SPHKAP: variants seen among roughly 807,000 people sequenced by gnomAD.
SPHKAP encodes SPHK1 interactor, AKAP domain containing.
A neutral mutation model predicts 137.5 loss-of-function variants in SPHKAP; 67 were observed. The observed-to-expected ratio is 0.49, with a 90% CI of 0.40 to 0.60. The LOEUF is 0.60. SPHKAP is among the 20% of genes least tolerant of loss of function. The probability of loss-of-function intolerance (pLI) is 0.00; values close to 1 mark genes in which losing one functional copy is unlikely to be tolerated. For synonymous variants in SPHKAP, 813 were observed against 785.3 expected (o/e 1.04, Z -0.59); for missense variants, 2,097 against 2,069.3 (o/e 1.01, Z -0.26).
intron 7 of SPHKAP, among the ~76,000 whole-genome samples, chr2:228,002,055 C>T (rs1219891808): frequency 6.6e-6 from 1 of 152,146 alleles, no homozygotes; most frequent in Non-Finnish European, 1.5e-5. Context: ...TTTATAGCAG[C>T]ATGATTTATA....
At chr2:228,033,050 G>C (rs1451121749) in intron 3 of SPHKAP, among the ~76,000 whole-genome samples, 3 of 152,248 alleles carry the variant, frequency 2.0e-5, no homozygotes, top group African/African-American at 7.2e-5. Context: ...AATGTAAATG[G>C]GCTAAATGCT....
At chr2:228,165,206 A>G (rs1026039591) in intron 1 of SPHKAP, among the ~76,000 whole-genome samples, 2 of 151,864 alleles carry the variant, frequency 1.3e-5, no homozygotes, top group Non-Finnish European at 2.9e-5. Flanking sequence ...ACAGGGGTCA[A>G]TGAGTGACTC....
At chr2:228,141,294 T>C (rs577380442) in intron 1 of SPHKAP, among the ~76,000 whole-genome samples, 1 of 152,326 alleles carries the variant, frequency 6.6e-6, no homozygotes, top group East Asian at 1.9e-4. Context: ...AAAATGCAGA[T>C]GATAATAGAA....
At chr2:228,029,894 C>T (rs1695214232) in intron 3 of SPHKAP, among the ~76,000 whole-genome samples, 1 of 152,094 alleles carries the variant, frequency 6.6e-6, no homozygotes, top group African/African-American at 2.4e-5. Flanking sequence ...CTTTTATTAT[C>T]ATGCATCACA....
chr2:228,172,878 C>T (rs1044950811), intron 1 of SPHKAP: 30 of 192,884 alleles, frequency 1.6e-4, no homozygotes, highest in African/African-American at 6.9e-4. Context: ...GGAAGAGACA[C>T]ATATCCCTTC....
chr2:228,105,712 C>T (rs1429904340), intron 3 of SPHKAP, among the ~76,000 whole-genome samples: 1 of 152,078 alleles, frequency 6.6e-6, no homozygotes, highest in East Asian at 1.9e-4. Context: ...CTAAGTCTCA[C>T]AAGAGCTGAT....
intron 7 of SPHKAP, among the ~76,000 whole-genome samples, chr2:228,009,526 C>T (rs967861841): frequency 2.2e-4 from 33 of 152,068 alleles, no homozygotes; most frequent in African/African-American, 7.7e-4. Context: ...TTCATCTTCT[C>T]TGTAATTTCT....
chr2:228,163,548 C>T (rs938303580), intron 1 of SPHKAP, among the ~76,000 whole-genome samples: 1 of 152,172 alleles, frequency 6.6e-6, no homozygotes, highest in Non-Finnish European at 1.5e-5. Flanking sequence ...TCCATCCTTT[C>T]CTCAGTAATA....
intron 8 of SPHKAP, 47 bp downstream of exon 8, chr2:227,995,460 ATC>A (rs767186858): frequency 6.2e-7 from 1 of 1,606,102 alleles, no homozygotes; most frequent in South Asian, 1.1e-5. Context: ...CATTTTTAGA[ATC>A]TGTGTTGAGA....
Position 228,021,866 on chromosome 2 carries a change from C to CCAAT in SPHKAP, c.538_541dup (p.Gly181AspfsTer23), listed in dbSNP as rs749652266. On this transcript the variant is annotated frameshift_variant, in exon 6 of 12. Coordinates refer to ENST00000392056, the MANE Select transcript of SPHKAP (RefSeq NM_001142644.2). LOFTEE classifies it high-confidence loss of function. Reference sequence around the variant, plus strand: ...CTGTCGCTCCTGCACCAGTTCCAGACCAATCAGAAATTTGTTGATTTCAAA... The same window carrying CCAAT: ...CTGTCGCTCCTGCACCAGTTCCAGACCAATCAATCAGAAATTTGTTGATTTCAAA... 7 of 1,614,126 alleles carry CCAAT rather than the reference C, an allele frequency of 4.3e-6. No individual in the cohort carries two copies. The highest frequency in any genetic ancestry group is 5.9e-6 in the Non-Finnish European group (7 of 1,180,000).
At chr2:228,051,936 C>A (rs1696268281) in intron 3 of SPHKAP, among the ~76,000 whole-genome samples, 1 of 151,310 alleles carries the variant, frequency 6.6e-6, no homozygotes, top group African/African-American at 2.4e-5. Context: ...CCTAATCAAC[C>A]CCCAAACGCC....
chr2:228,004,636 T>G (rs376762138), intron 7 of SPHKAP, among the ~76,000 whole-genome samples: 2 of 152,334 alleles, frequency 1.3e-5, no homozygotes, highest in East Asian at 3.9e-4. Flanking sequence ...CTAGTTCTTT[T>G]AATTGTGATG....
At chr2:228,056,522 A>T (rs1696449429) in intron 3 of SPHKAP, among the ~76,000 whole-genome samples, 1 of 151,680 alleles carries the variant, frequency 6.6e-6, no homozygotes, top group African/African-American at 2.4e-5. Context: ...TTCTGACTTG[A>T]GAGGTTCTTA....
At chr2:228,174,698 C>A (rs556534571) in intron 1 of SPHKAP, among the ~76,000 whole-genome samples, 1 of 152,220 alleles carries the variant, frequency 6.6e-6, no homozygotes, top group South Asian at 2.1e-4. Flanking sequence ...AAAAACACTT[C>A]CAAGGGATGA....
chr2:228,019,431 C>G lies in SPHKAP; in HGVS notation c.1423G>C (p.Val475Leu). 1 of 1,614,172 alleles carries G rather than the reference C, an allele frequency of 6.2e-7. No homozygotes were observed. Among genetic ancestry groups the G allele is most frequent in the Non-Finnish European group, 8.5e-7 (1 of 1,180,028 alleles). ...AGGATGCTTGAGGTTTCAACAGAGA[C>G]TTCCATCTCAGGCCAGGAGGAGATG... ...PGISSWPEME[V>L]SVETSSILSG... The change falls in exon 7 of 12, where the codon GTC becomes CTC. Residue 475 changes from valine to leucine, a missense_variant. Physicochemically the swap from Val to Leu is conservative, Grantham distance 32. Transcript: ENST00000392056.
chr2:228,115,673 G>A (rs1698687746), intron 2 of SPHKAP, among the ~76,000 whole-genome samples: 1 of 152,086 alleles, frequency 6.6e-6, no homozygotes, highest in African/African-American at 2.4e-5. Flanking sequence ...TTAATATCTG[G>A]CATGGGGGCC....
Position 228,129,733 on chromosome 2 carries a change from C to A in SPHKAP, c.138+2247G>T, listed in dbSNP as rs148126033. Reference sequence around the variant, plus strand: ...ACATTTAAACATATGCATACACACACAAATATATATATATGCTAATGAAGT... The same window carrying A: ...ACATTTAAACATATGCATACACACAAAAATATATATATATGCTAATGAAGT... On this transcript the variant is annotated intron_variant, in intron 2 of 11. Coordinates refer to ENST00000392056, the MANE Select transcript of SPHKAP (RefSeq NM_001142644.2). Among the ~76,000 whole-genome samples, 827 of 150,708 alleles carry A rather than the reference C, an allele frequency of 5.5e-3. 7 individuals are homozygous for A. The highest frequency in any genetic ancestry group is 0.019 in the African/African-American group (778 of 41,110).
intron 3 of SPHKAP, among the ~76,000 whole-genome samples, chr2:228,055,032 C>T (rs967405721): frequency 6.6e-6 from 1 of 150,488 alleles, no homozygotes; most frequent in African/African-American, 2.4e-5. Flanking sequence ...ATCCCAGCTA[C>T]TCAGGAGGCT....
At chr2:228,004,924 G>C (rs1694066614) in intron 7 of SPHKAP, among the ~76,000 whole-genome samples, 1 of 152,178 alleles carries the variant, frequency 6.6e-6, no homozygotes, top group Non-Finnish European at 1.5e-5. Context: ...CTGAGAGACA[G>C]TTTGTTATAA....
Sources: allele counts gnomAD v4.1 joint callset (sites outside exome capture counted in the v4.1 genomes callset), GRCh38; gene constraint gnomAD v4.1.1; transcripts MANE v1.5; gene names NCBI Gene and HGNC (gene_info 2026-07-23, HGNC 2026-07-21).